The following ACVR1 variants were observed in gnomAD, a reference collection of about 807,000 sequenced individuals.
ACVR1 encodes activin receptor type-1.
ACVR1 carries 38 observed loss-of-function variants against 57.1 expected under a neutral mutation model. That is an observed-to-expected ratio of 0.67 (90% CI 0.51 to 0.87). The LOEUF (loss-of-function observed/expected upper bound fraction) is 0.87, where lower values mean the gene tolerates loss of function less well. Ranked by LOEUF, ACVR1 falls within the 40% of genes least tolerant of loss-of-function variation. The pLI, the probability that ACVR1 is intolerant of heterozygous loss-of-function variation, is 0.00. For missense variants in ACVR1, 463 were observed against 638.2 expected, an observed-to-expected ratio of 0.73 and a Z score of 2.96; for synonymous variants, 212 against 228.1, an observed-to-expected ratio of 0.93 and a Z score of 0.63.
chr2:157,863,921 G>A (rs1457579254), intron 1 of ACVR1, among the ~76,000 whole-genome samples: 1 of 143,156 alleles, frequency 7.0e-6, no homozygotes, highest in Admixed American at 7.1e-5. Flanking sequence ...AGGTTGGAGT[G>A]CCATCTCGGC....
chr2:157,813,902 C>T (rs1489888319), intron 2 of ACVR1, among the ~76,000 whole-genome samples: 1 of 152,072 alleles, frequency 6.6e-6, no homozygotes, highest in African/African-American at 2.4e-5. Flanking sequence ...TAAAAAAACC[C>T]CACATGACAT....
intron 2 of ACVR1, among the ~76,000 whole-genome samples, chr2:157,808,880 A>T (rs939079861): frequency 3.6e-4 from 10 of 27,748 alleles, no homozygotes; most frequent in Non-Finnish European, 2.3e-3. Context: ...TAATACATTT[A>T]AAAAAAAAAA....
chr2:157,795,819 T>C (rs559158701), intron 3 of ACVR1, among the ~76,000 whole-genome samples: 33 of 152,202 alleles, frequency 2.2e-4, no homozygotes, highest in African/African-American at 7.5e-4. Flanking sequence ...CCCCATTCTC[T>C]CTCTACCTCT....
At chr2:157,772,898 C>G (rs1380994663) in intron 6 of ACVR1, among the ~76,000 whole-genome samples, 1 of 152,236 alleles carries the variant, frequency 6.6e-6, no homozygotes, top group Non-Finnish European at 1.5e-5. Context: ...CTGGTTACTC[C>G]TGTGCCTTGG....
chr2:157,809,030 T>C (rs769597592), intron 2 of ACVR1, among the ~76,000 whole-genome samples: 7 of 152,214 alleles, frequency 4.6e-5, no homozygotes, highest in Non-Finnish European at 8.8e-5. Flanking sequence ...AAAGACCCCT[T>C]ATCTATTTAA....
At position 157,824,780 on chromosome 2, in the gene ACVR1, G is replaced by T. The variant is rs559775311; in HGVS notation, c.-182-6221C>A. Among the ~76,000 whole-genome samples, 113 of 150,902 alleles carry T rather than the reference G, an allele frequency of 7.5e-4. 1 individual carries two copies. The South Asian group carries it at 0.022, about 30-fold the overall frequency. ...TTCTCTTTTTTTTTTTTGAGACAGA[G>T]TCTCACTCTCTCAACCAGGCTGGAG... On this transcript the variant is annotated intron_variant, in intron 1 of 10. Transcript: ENST00000434821.
intron 9 of ACVR1, among the ~76,000 whole-genome samples, chr2:157,749,304 C>T (rs1333316792): frequency 6.6e-6 from 1 of 152,140 alleles, no homozygotes; most frequent in Non-Finnish European, 1.5e-5. Context: ...CTGTGGGGGA[C>T]ATAGGTTAAA....
intron 1 of ACVR1, among the ~76,000 whole-genome samples, chr2:157,860,785 G>A (rs16842190): frequency 0.11 from 16,793 of 151,828 alleles, 1,435 homozygotes; most frequent in African/African-American, 0.24. Flanking sequence ...TCCTTTGCAG[G>A]TGGTCGACTT....
At chr2:157,760,258 G>A (rs190886159) in intron 9 of ACVR1, among the ~76,000 whole-genome samples, 84 of 152,282 alleles carry the variant, frequency 5.5e-4, no homozygotes, top group African/African-American at 1.9e-3. Flanking sequence ...TGGTGGTAGA[G>A]AGTAGAATCA....
At chr2:157,750,453 T>A (rs1685139780) in intron 9 of ACVR1, among the ~76,000 whole-genome samples, 1 of 152,144 alleles carries the variant, frequency 6.6e-6, no homozygotes, top group Admixed American at 6.5e-5. Flanking sequence ...CACCACAGCC[T>A]CCATTAATTT....
chr2:157,854,515 G>A (rs1241970299), intron 1 of ACVR1, among the ~76,000 whole-genome samples: 1 of 152,154 alleles, frequency 6.6e-6, no homozygotes, highest in Non-Finnish European at 1.5e-5. Flanking sequence ...GAGGTCAGGA[G>A]ATCAAGATCA....
intron 1 of ACVR1, among the ~76,000 whole-genome samples, chr2:157,852,498 CAA>C (rs548451104): frequency 9.9e-5 from 7 of 70,830 alleles, no homozygotes; most frequent in Admixed American, 1.6e-4. Context: ...GAGCCTGTCT[CAA>C]AAAAAAAAAA....
At chr2:157,836,732 G>C (rs573534128) in intron 1 of ACVR1, among the ~76,000 whole-genome samples, 69 of 152,288 alleles carry the variant, frequency 4.5e-4, no homozygotes, top group Non-Finnish European at 8.1e-4. Context: ...GACACAGTGA[G>C]CACACTCAAG....
At chr2:157,862,490 T>C (rs944785387) in intron 1 of ACVR1, among the ~76,000 whole-genome samples, 4 of 150,132 alleles carry the variant, frequency 2.7e-5, no homozygotes, top group Non-Finnish European at 4.4e-5. Context: ...TTGTATTTAC[T>C]AATATATATA....
At chr2:157,774,814 G>A (rs1365491295) in intron 5 of ACVR1, among the ~76,000 whole-genome samples, 2 of 152,124 alleles carry the variant, frequency 1.3e-5, no homozygotes, top group Non-Finnish European at 2.9e-5. Flanking sequence ...AGTTGAAGGT[G>A]TAAATCAGAA....
intron 1 of ACVR1, among the ~76,000 whole-genome samples, chr2:157,826,008 A>G (rs927265694): frequency 2.0e-5 from 3 of 152,208 alleles, no homozygotes; most frequent in African/African-American, 7.2e-5. Context: ...TTACCATGAG[A>G]CATCCGTGTT....
intron 2 of ACVR1, among the ~76,000 whole-genome samples, chr2:157,802,826 G>A (rs993899892): frequency 1.3e-5 from 2 of 152,204 alleles, no homozygotes; most frequent in East Asian, 1.9e-4. Context: ...TGAATTCCAC[G>A]GGAGGAAAAT....
intron 9 of ACVR1, among the ~76,000 whole-genome samples, chr2:157,755,903 G>A (rs1052935390): frequency 1.3e-5 from 2 of 152,102 alleles, no homozygotes; most frequent in Non-Finnish European, 2.9e-5. Flanking sequence ...TACATTACCT[G>A]ACTTCAAACT....
At chr2:157,869,653 A>C (rs556211716) in intron 1 of ACVR1, among the ~76,000 whole-genome samples, 16 of 152,226 alleles carry the variant, frequency 1.1e-4, no homozygotes, top group Non-Finnish European at 1.8e-4. Context: ...AAAATACTGA[A>C]ATAGAACATT....
Sources: gnomAD v4.1 joint callset for allele counts (sites outside exome capture counted in the v4.1 genomes callset) on GRCh38, gnomAD v4.1.1 for gene constraint, MANE v1.5 for transcripts, NCBI Gene and HGNC (gene_info 2026-07-23, HGNC 2026-07-21) for gene names.